Variants in N4BP2L1 observed in about 807,000 individuals in gnomAD.
N4BP2L1 encodes NEDD4-binding protein 2-like 1.
A neutral mutation model predicts 21.2 loss-of-function variants in N4BP2L1; 12 were observed. That is an observed-to-expected ratio of 0.57 (90% confidence interval 0.36 to 0.92). The LOEUF (loss-of-function observed/expected upper bound fraction) is 0.92. N4BP2L1 is among the 40% of genes least tolerant of loss of function. N4BP2L1 has a pLI of 0.01. For synonymous variants in N4BP2L1, 104 were observed against 112.8 expected, an observed-to-expected ratio of 0.92 and a Z score of 0.49; for missense variants, 259 against 310.6, an observed-to-expected ratio of 0.83 and a Z score of 1.25.
rs368213791 is a variant in N4BP2L1, at chr13:32,402,519, G to GC, written c.*422dup. 2.8e-5 allele frequency: 27 copies of GC among 965,772 alleles called. No individual in the cohort carries two copies. The highest frequency in any genetic ancestry group is 2.5e-4 in the African/African-American group (13 of 51,708). 59.8% of individuals were successfully genotyped at this position (965,772 alleles called of 1,614,324 possible). A position where few individuals can be genotyped will look rare whatever the true frequency, so the allele number is the denominator to read the frequency against. On this transcript the variant is annotated 3_prime_UTR_variant, in exon 5 of 5. Coordinates refer to ENST00000380130, the MANE Select transcript of N4BP2L1 (RefSeq NM_052818.3). ...CAATGGCACTTTGATAAGTAGCAAT[G>GC]CCCCCCCACCACTTCTCTCCACCTT...
chr13:32,415,168 T>C (rs956939635), intron 1 of N4BP2L1, among the ~76,000 whole-genome samples: 5 of 152,174 alleles, frequency 3.3e-5, no homozygotes, highest in Non-Finnish European at 5.9e-5. Context: ...GAGTCTAGCA[T>C]CTTTTTTAGC....
chr13:32,416,162 T>C (rs2074127356), intron 1 of N4BP2L1: 1 of 152,244 alleles, frequency 6.6e-6, no homozygotes, highest in South Asian at 2.1e-4. Flanking sequence ...AGTACTCCAT[T>C]ATCAGCAAAA....
chr13:32,427,575 G>C lies in N4BP2L1; in HGVS notation c.179+329C>G, dbSNP rs530437286. On this transcript the variant is annotated intron_variant, in intron 1 of 4. Coordinates refer to ENST00000380130, the MANE Select transcript of N4BP2L1 (RefSeq NM_052818.3). ...GGGGCACGGCGGCGGGGAAGGGGCCGGGGCCGCTGGGGCTTGCGCGAGGCG... is the reference window on the plus strand; with the variant it reads ...GGGGCACGGCGGCGGGGAAGGGGCCCGGGCCGCTGGGGCTTGCGCGAGGCG... 1.0e-2 allele frequency among the ~76,000 whole-genome samples: 1,521 copies of C among 152,314 alleles called. 27 individuals are homozygous for C. The highest frequency in any genetic ancestry group is 0.034 in the African/African-American group (1,402 of 41,584).
chr13:32,402,955 T>C lies in N4BP2L1; in HGVS notation c.719A>G (p.His240Arg), dbSNP rs749724555. Residue 240 changes from histidine (H) to arginine (R), a missense_variant, in exon 5 of 5, where the codon CAC (histidine) becomes CGC (arginine). Around this residue, in one of 3 missense-constraint regions of N4BP2L1, gnomAD observed 108 missense variants for 107.8 expected, o/e 1.00. Coordinates refer to ENST00000380130, the MANE Select transcript of N4BP2L1 (RefSeq NM_052818.3). Reference protein sequence around the residue: ...ESSYHRRGGCHHGY With the variant: ...ESSYHRRGGCRHGY ...TAAGATAGGCCTCTAATATCCATGG[T>C]GACAACCGCCCCTTCTGTGATAGGA... 1.9e-6 allele frequency: 3 copies of C among 1,600,948 alleles called. No individual in the cohort carries two copies. The African/African-American group carries it at 4.0e-5, about 21-fold the overall frequency.
chr13:32,408,587 G>T (rs1416658975), intron 1 of N4BP2L1, among the ~76,000 whole-genome samples: 1 of 152,212 alleles, frequency 6.6e-6, no homozygotes, highest in Non-Finnish European at 1.5e-5. Context: ...ACTATCTTTT[G>T]GCAGAAGGTG....
intron 1 of N4BP2L1, among the ~76,000 whole-genome samples, chr13:32,421,271 C>T (rs929689947): frequency 2.6e-5 from 4 of 152,128 alleles, no homozygotes; most frequent in East Asian, 1.9e-4. Context: ...AATAAATATA[C>T]GTCAGTGGTA....
intron 4 of N4BP2L1, 109 bp from the exon 5 acceptor site, chr13:32,403,309 T>C: frequency 1.8e-6 from 2 of 1,124,292 alleles, no homozygotes; most frequent in Non-Finnish European, 1.3e-6. Context: ...TCTCAGGACC[T>C]AGCTCTGGCA....
chr13:32,411,248 C>A (rs1177744242), intron 1 of N4BP2L1, among the ~76,000 whole-genome samples: 1 of 152,064 alleles, frequency 6.6e-6, no homozygotes, highest in African/African-American at 2.4e-5. Context: ...TGAGACACAT[C>A]TGACTGTGGC....
chr13:32,414,979 A>G (rs1423151592), intron 1 of N4BP2L1, among the ~76,000 whole-genome samples: 6 of 152,246 alleles, frequency 3.9e-5, no homozygotes, highest in Admixed American at 2.0e-4. Context: ...ACAGGCATTA[A>G]TATTTTAAAT....
chr13:32,403,078 T>C lies in N4BP2L1; in HGVS notation c.596A>G (p.Asp199Gly), dbSNP rs772605503. ...GTTGGAAGGCAATGCATTATTCCTGTCCTGGTTTCTGTTCATTCTGCTTGG... is the reference window on the plus strand; with the variant it reads ...GTTGGAAGGCAATGCATTATTCCTGCCCTGGTTTCTGTTCATTCTGCTTGG... ...EKPSRMNRNQ[D>G]RNNALPSNNA... The change falls in exon 5 of 5, where the codon GAC becomes GGC. Residue 199 changes from aspartate to glycine, a missense_variant. Coordinates refer to ENST00000380130, the MANE Select transcript of N4BP2L1 (RefSeq NM_052818.3). The C allele has an allele frequency of 1.9e-6, 3 of 1,614,030 alleles. No individual in the cohort carries two copies. Among genetic ancestry groups the C allele is most frequent in the Middle Eastern group, 1.6e-4 (1 of 6,084 alleles).
chr13:32,403,808 T>A (rs548591898), intron 4 of N4BP2L1: 2 of 512,614 alleles, frequency 3.9e-6, no homozygotes, highest in Non-Finnish European at 7.9e-6. Flanking sequence ...AGTAAATTCT[T>A]ACCTCACTGG....
intron 1 of N4BP2L1, among the ~76,000 whole-genome samples, chr13:32,414,730 T>A (rs1357980837): frequency 1.1e-4 from 17 of 152,172 alleles, no homozygotes; most frequent in Non-Finnish European, 2.4e-4. Context: ...ATGAAGTAAA[T>A]CATTTACTTT....
At chr13:32,405,892 CT>C (rs754694153) in intron 3 of N4BP2L1, among the ~76,000 whole-genome samples, 1,420 of 101,210 alleles carry the variant, frequency 0.014, 63 homozygotes, top group African/African-American at 0.038. Context: ...TTCCTGCCCC[CT>C]TTTTTTTTTT....
At chr13:32,403,947 A>C (rs1296766484) in intron 4 of N4BP2L1, among the ~76,000 whole-genome samples, 1 of 152,228 alleles carries the variant, frequency 6.6e-6, no homozygotes, top group Non-Finnish European at 1.5e-5. Context: ...CTAGATCATA[A>C]ATGAATCGCA....
chr13:32,426,971 G>T (rs149509641), intron 1 of N4BP2L1, among the ~76,000 whole-genome samples: 6 of 152,212 alleles, frequency 3.9e-5, no homozygotes, highest in African/African-American at 1.4e-4. Context: ...AGGCAGGAAG[G>T]CCAGCGTCAA....
chr13:32,429,582 T>A (rs988317583), upstream of N4BP2L1, among the ~76,000 whole-genome samples: 9 of 152,218 alleles, frequency 5.9e-5, no homozygotes, highest in African/African-American at 1.9e-4. Flanking sequence ...GGAATGTGGC[T>A]ACTGCAAACA....
Position 32,402,984 on chromosome 13 carries a change from C to G in N4BP2L1, c.690G>C (p.Glu230Asp), listed in dbSNP as rs759462544. 6.2e-7 allele frequency: 1 copy of G among 1,613,676 alleles called. No homozygotes were observed. Among genetic ancestry groups the G allele is most frequent in the East Asian group, 2.2e-5 (1 of 44,890 alleles). ...AACCGCCCCTTCTGTGATAGGAGCT[C>G]TCATTTGTAAATCCACCGTGGGCCC... The part of the protein sequence containing the change: ...NRRAHGGFTN[E>D]SSYHRRGGCH... Residue 230 changes from glutamate to aspartate, a missense_variant, in exon 5 of 5, where the codon GAG (glutamate) becomes GAC (aspartate). Physicochemically the swap from Glu to Asp is conservative, Grantham distance 45. Transcript: ENST00000380130.
At position 32,408,278 on chromosome 13, in the gene N4BP2L1, T is replaced by G. The variant is rs574634701; in HGVS notation, c.180-506A>C. Among the ~76,000 whole-genome samples the G allele has an allele frequency of 1.8e-4, 28 of 152,326 alleles. No individual in the cohort carries two copies. In the South Asian group the frequency reaches 5.4e-3, roughly 29 times the overall value. ...TGTAAGGACCCATCTGAGAAACTAA[T>G]TCTAGTGAGAAATGTGGGGAAGTGA... On this transcript the variant is annotated intron_variant, in intron 1 of 4. Transcript: ENST00000380130.
chr13:32,410,273 C>T (rs2073778528), intron 1 of N4BP2L1, among the ~76,000 whole-genome samples: 1 of 152,196 alleles, frequency 6.6e-6, no homozygotes, highest in African/African-American at 2.4e-5. Context: ...CTCCGCAGGG[C>T]CTGTCATCCT....
Sources: allele counts gnomAD v4.1 joint callset (sites outside exome capture counted in the v4.1 genomes callset), GRCh38; gene constraint gnomAD v4.1.1; regional missense constraint gnomAD v4.1.1; transcripts MANE v1.5; gene names NCBI Gene and HGNC (gene_info 2026-07-23, HGNC 2026-07-21).